OVCH1: variants seen among roughly 807,000 people sequenced by gnomAD.
OVCH1 encodes ovochymase-1.
Under a neutral mutation model 138.4 loss-of-function variants are expected in OVCH1, and 139 were observed. The ratio of observed to expected loss-of-function variants is 1.00; its 90% CI spans 0.87 to 1.16. The LOEUF (loss-of-function observed/expected upper bound fraction) is 1.16, where lower values mean the gene tolerates loss of function less well. OVCH1 is among the 50% of genes most tolerant of loss of function. The pLI, the probability that OVCH1 is intolerant of heterozygous loss-of-function variation, is 0.00. For missense variants in OVCH1, 1,367 were observed against 1,357.9 expected, an observed-to-expected ratio of 1.01 and a Z score of -0.11; for synonymous variants, 453 against 467.8, an observed-to-expected ratio of 0.97 and a Z score of 0.41.
intron 27 of OVCH1, among the ~76,000 whole-genome samples, chr12:29,432,997 A>T (rs1366125940): frequency 1.3e-5 from 2 of 152,152 alleles, no homozygotes; most frequent in Non-Finnish European, 2.9e-5. Flanking sequence ...ATTCAAGAAA[A>T]ACGAGAGGGC....
At chr12:29,438,436 T>C (rs1941404321) in intron 26 of OVCH1, among the ~76,000 whole-genome samples, 2 of 150,378 alleles carry the variant, frequency 1.3e-5, no homozygotes, top group Non-Finnish European at 3.0e-5. Flanking sequence ...CAAGATAAAC[T>C]TCGGAGTTAA....
chr12:29,496,473 A>ATCAACG (rs1236423504), intron 2 of OVCH1, 83 bp downstream of exon 2: 15 of 1,311,066 alleles, frequency 1.1e-5, no homozygotes, highest in Admixed American at 4.1e-5. Flanking sequence ...AAAACTACAT[A>ATCAACG]TCAACGTGCA....
chr12:29,479,820 T>C (rs1452767398), intron 8 of OVCH1, among the ~76,000 whole-genome samples: 1 of 132,912 alleles, frequency 7.5e-6, no homozygotes, highest in Non-Finnish European at 1.7e-5. Flanking sequence ...CAACTCTTTT[T>C]TTTCTTTTTT....
chr12:29,471,527 G>A (rs1432036196), intron 16 of OVCH1, among the ~76,000 whole-genome samples: 1 of 152,156 alleles, frequency 6.6e-6, no homozygotes, highest in Non-Finnish European at 1.5e-5. Flanking sequence ...ACTTAGTTTT[G>A]GAACTACAGT....
At chr12:29,430,746 C>T (rs955629896) in intron 27 of OVCH1, among the ~76,000 whole-genome samples, 4 of 152,250 alleles carry the variant, frequency 2.6e-5, no homozygotes, top group African/African-American at 7.2e-5. Flanking sequence ...CTCCCAGCTG[C>T]GAAATCAAGT....
At chr12:29,461,647 A>G in intron 19 of OVCH1, 1 of 659,026 alleles carries the variant, frequency 1.5e-6, no homozygotes. Flanking sequence ...TTGTCGCTGT[A>G]CAGCTGCTTC....
At chr12:29,433,941 A>G in intron 26 of OVCH1, 1 of 774,060 alleles carries the variant, frequency 1.3e-6, no homozygotes, top group Non-Finnish European at 1.8e-6. Flanking sequence ...GATTAAAAAA[A>G]AATGAGTGTG....
intron 3 of OVCH1, among the ~76,000 whole-genome samples, chr12:29,421,628 C>G (rs1396829618): frequency 6.6e-6 from 1 of 152,082 alleles, no homozygotes; most frequent in African/African-American, 2.4e-5. Context: ...TATCAAAACA[C>G]TTTACACTAC....
At chr12:29,495,684 T>C (rs1249614074) in intron 3 of OVCH1, among the ~76,000 whole-genome samples, 3 of 152,098 alleles carry the variant, frequency 2.0e-5, no homozygotes, top group Non-Finnish European at 2.9e-5. Flanking sequence ...TATTTAAATA[T>C]TGCATCCTTT....
At chr12:29,455,180 C>A in intron 20 of OVCH1, 69 bp downstream of exon 20, 1 of 1,510,064 alleles carries the variant, frequency 6.6e-7, no homozygotes, top group Non-Finnish European at 9.0e-7. Flanking sequence ...ATTTATACCA[C>A]ACTCACTGTT....
At chr12:29,420,906 C>T (rs181419655) in intron 3 of OVCH1, among the ~76,000 whole-genome samples, 1 of 152,322 alleles carries the variant, frequency 6.6e-6, no homozygotes, top group Admixed American at 6.5e-5. Flanking sequence ...CATTGATTTG[C>T]AAGGTGAAGA....
chr12:29,458,606 C>A (rs1227570569), intron 19 of OVCH1, among the ~76,000 whole-genome samples: 2 of 152,098 alleles, frequency 1.3e-5, no homozygotes, highest in African/African-American at 4.8e-5. Context: ...TTTAGTAATA[C>A]CCCACAAGCT....
chr12:29,485,689 T>C (rs1943075542), intron 8 of OVCH1, among the ~76,000 whole-genome samples: 1 of 151,774 alleles, frequency 6.6e-6, no homozygotes, highest in South Asian at 2.1e-4. Flanking sequence ...GGCAGGAGAA[T>C]GGCGTTAACC....
At chr12:29,410,496 T>G (rs4628715), downstream of OVCH1, among the ~76,000 whole-genome samples, 35,385 of 134,446 alleles carry the variant, frequency 0.26, 5,840 homozygotes, top group Middle Eastern at 0.49. Flanking sequence ...CTCTTTTAGG[T>G]CAGGGCTGGT....
rs1367527243 is a variant in OVCH1 at position 29,474,950 on chromosome 12, A to G, written c.1600+111T>C. The G allele has an allele frequency of 7.3e-6, 9 of 1,235,884 alleles. No individual in the cohort carries two copies. In the Admixed American group the frequency reaches 3.0e-4, roughly 41 times the overall value. The allele number at this position is 1,235,884 out of a possible 1,614,324, so 76.6% of individuals were successfully genotyped here. ...GGATCCAGAAATCTGCATTTTTGTT[A>G]TGCTTACCAAGGGGATTGCTATACT... is the stretch of plus-strand genomic sequence containing the variant. On this transcript the variant is annotated intron_variant, in intron 14 of 27. Coordinates refer to ENST00000318184, the Ensembl canonical transcript of OVCH1.
chr12:29,459,213 C>A (rs1404588472), intron 19 of OVCH1, among the ~76,000 whole-genome samples: 1 of 152,092 alleles, frequency 6.6e-6, no homozygotes, highest in Non-Finnish European at 1.5e-5. Context: ...TTCACAATGA[C>A]CAAGATTTGG....
chr12:29,495,205 C>T (rs557481623), intron 4 of OVCH1, 80 bp downstream of exon 4: 1 of 1,330,596 alleles, frequency 7.5e-7, no homozygotes, highest in South Asian at 1.4e-5. Flanking sequence ...TAGACAGCCA[C>T]ACAGACATTA....
intron 15 of OVCH1, 74 bp downstream of exon 15, chr12:29,472,955 G>T: frequency 7.7e-7 from 1 of 1,305,544 alleles, no homozygotes; most frequent in Non-Finnish European, 1.1e-6. Context: ...TGTAAGATAA[G>T]GGCTTCCAAA....
intron 26 of OVCH1, among the ~76,000 whole-genome samples, chr12:29,437,721 G>A (rs10843419): frequency 0.2 from 30,665 of 152,076 alleles, 4,081 homozygotes; most frequent in Admixed American, 0.38. Flanking sequence ...TTTAGATTGT[G>A]TAGTAACTGG....
Sources: gnomAD v4.1 joint callset for allele counts (sites outside exome capture counted in the v4.1 genomes callset) on GRCh38, gnomAD v4.1.1 for gene constraint, MANE v1.5 for transcripts, NCBI Gene and HGNC (gene_info 2026-07-23, HGNC 2026-07-21) for gene names.